The following GPC6 variants were observed in gnomAD, a reference collection of about 807,000 sequenced individuals.
GPC6 encodes the protein glypican-6.
A neutral mutation model predicts 55.2 loss-of-function variants in GPC6; 14 were observed. The observed-to-expected ratio is 0.25, with a 90% confidence interval of 0.17 to 0.40. The LOEUF is 0.40. Ranked by LOEUF, GPC6 falls within the 10% of genes least tolerant of loss-of-function variation. The pLI, the probability that GPC6 is intolerant of heterozygous loss-of-function variation, is 1.00. For missense variants in GPC6, 641 were observed against 708.5 expected (o/e 0.90, Z 1.08); for synonymous variants, 278 against 259.6 (o/e 1.07, Z -0.68).
intron 3 of GPC6, among the ~76,000 whole-genome samples, chr13:93,984,317 G>A (rs1291887709): frequency 6.6e-6 from 1 of 152,074 alleles, no homozygotes; most frequent in African/African-American, 2.4e-5. Flanking sequence ...GCATGAAGGA[G>A]GCTTTACGTA....
At chr13:93,521,804 G>A (rs2139400483) in intron 1 of GPC6, among the ~76,000 whole-genome samples, 1 of 152,114 alleles carries the variant, frequency 6.6e-6, no homozygotes, top group East Asian at 1.9e-4. Context: ...AGTTGAGGGT[G>A]TATTTTCAGG....
At chr13:94,204,735 T>G (rs915420933) in intron 4 of GPC6, among the ~76,000 whole-genome samples, 2 of 152,332 alleles carry the variant, frequency 1.3e-5, no homozygotes, top group South Asian at 2.1e-4. Flanking sequence ...AAGAAGGTTT[T>G]AAAATTCTGT....
intron 1 of GPC6, among the ~76,000 whole-genome samples, chr13:93,440,952 T>C (rs1877773568): frequency 6.6e-6 from 1 of 152,104 alleles, no homozygotes; most frequent in Non-Finnish European, 1.5e-5. Flanking sequence ...GTATTTGGTT[T>C]TTTGTCCTTG....
chr13:93,914,635 A>G (rs1476994396), intron 3 of GPC6, among the ~76,000 whole-genome samples: 1 of 152,236 alleles, frequency 6.6e-6, no homozygotes, highest in African/African-American at 2.4e-5. Context: ...ATGCCATTTT[A>G]TAACATCTGC....
At chr13:94,049,573 T>G (rs1883862824) in intron 4 of GPC6, among the ~76,000 whole-genome samples, 1 of 152,078 alleles carries the variant, frequency 6.6e-6, no homozygotes, top group Non-Finnish European at 1.5e-5. Context: ...GCCCTCACAC[T>G]TGCTGTTCCC....
intron 2 of GPC6, among the ~76,000 whole-genome samples, chr13:93,804,402 A>C (rs1479683690): frequency 1.3e-5 from 2 of 152,088 alleles, no homozygotes; most frequent in Non-Finnish European, 2.9e-5. Context: ...TATTTTATTG[A>C]TTTGCTTCAA....
At chr13:93,752,549 C>T (rs1409023373) in intron 2 of GPC6, among the ~76,000 whole-genome samples, 2 of 152,004 alleles carry the variant, frequency 1.3e-5, no homozygotes, top group African/African-American at 4.8e-5. Flanking sequence ...TTGAATAGCT[C>T]AGGAAAACCA....
At chr13:94,036,381 C>A (rs965358651) in intron 4 of GPC6, among the ~76,000 whole-genome samples, 14 of 151,926 alleles carry the variant, frequency 9.2e-5, no homozygotes, top group African/African-American at 3.4e-4. Context: ...TTTATTATAA[C>A]CTCTGAAGAA....
In GPC6 at chr13:94,251,851, C is replaced by A. The variant is rs141546773; in HGVS notation, c.878-34498C>A. Among the ~76,000 whole-genome samples the A allele has an allele frequency of 2.0e-5, 3 of 152,010 alleles. No homozygotes were observed. The East Asian group carries it at 5.8e-4, about 29-fold the overall frequency. On this transcript the variant is annotated intron_variant, in intron 4 of 8. Transcript: ENST00000377047. ...TTTATCATTGATTTGGTGTAACAGG[C>A]TCTTTTGGATGCTATAATTTCTCAT...
intron 2 of GPC6, among the ~76,000 whole-genome samples, chr13:93,829,914 A>T (rs977019526): frequency 6.6e-6 from 1 of 152,220 alleles, no homozygotes; most frequent in African/African-American, 2.4e-5. Context: ...GAGGAGGATT[A>T]CATGGTAGAC....
At chr13:93,858,936 A>C (rs1393442330) in intron 3 of GPC6, among the ~76,000 whole-genome samples, 1 of 151,662 alleles carries the variant, frequency 6.6e-6, no homozygotes, top group African/African-American at 2.4e-5. Flanking sequence ...ATCTAATACT[A>C]TTAATAGTAA....
In GPC6 at chr13:93,909,920, G is replaced by A. The variant is rs532558778; in HGVS notation, c.711+79375G>A. 4.0e-5 allele frequency among the ~76,000 whole-genome samples: 6 copies of A among 151,820 alleles called. No homozygotes were observed. The South Asian group carries it at 6.3e-4, about 16-fold the overall frequency. On this transcript the variant is annotated intron_variant, in intron 3 of 8. Transcript: ENST00000377047. ...TCTCAGGTTCCATCCAATCAACAACGTAGATTCCTCCACCTCCCCGCTCCT... is the reference window on the plus strand; with the variant it reads ...TCTCAGGTTCCATCCAATCAACAACATAGATTCCTCCACCTCCCCGCTCCT...
intron 3 of GPC6, among the ~76,000 whole-genome samples, chr13:93,923,079 A>C (rs1877658824): frequency 6.6e-6 from 1 of 152,186 alleles, no homozygotes; most frequent in African/African-American, 2.4e-5. Flanking sequence ...CATCATGCTA[A>C]AAGACATGAC....
At chr13:93,989,563 C>A (rs1356844034) in intron 3 of GPC6, among the ~76,000 whole-genome samples, 1 of 152,158 alleles carries the variant, frequency 6.6e-6, no homozygotes, top group East Asian at 1.9e-4. Flanking sequence ...AAAGTCTGGG[C>A]TCAGTGCCGA....
intron 3 of GPC6, among the ~76,000 whole-genome samples, chr13:93,953,010 A>C (rs1382639774): frequency 6.6e-6 from 1 of 151,414 alleles, no homozygotes; most frequent in Non-Finnish European, 1.5e-5. Flanking sequence ...AACTTTCCAT[A>C]TATTTTTCTT....
the GPC6 span, among the ~76,000 whole-genome samples, chr13:93,219,545 A>G: frequency 6.6e-6 from 1 of 152,236 alleles, no homozygotes; most frequent in Non-Finnish European, 1.5e-5. Context: ...TGACTTCCAT[A>G]TACCACTAGA....
At chr13:93,990,938 G>GAGGAAGGAAGGAAGGAAGGAAAGAAGGA (rs1881273273) in intron 3 of GPC6, among the ~76,000 whole-genome samples, 6 of 146,360 alleles carry the variant, frequency 4.1e-5, no homozygotes, top group Middle Eastern at 3.5e-3. Context: ...CGGGAGGGAG[G>GAGGAAGGAAGGAAGGAAGGAAAGAAGGA]AGGAAGGAAG....
intron 1 of GPC6, among the ~76,000 whole-genome samples, chr13:93,312,553 G>C (rs1289907630): frequency 3.9e-5 from 6 of 151,916 alleles, no homozygotes; most frequent in African/African-American, 9.7e-5. Flanking sequence ...ACATAGCCTT[G>C]TGATTGCTTT....
chr13:93,782,557 A>G (rs764714987), intron 2 of GPC6, among the ~76,000 whole-genome samples: 5 of 152,148 alleles, frequency 3.3e-5, no homozygotes, highest in Admixed American at 6.6e-5. Context: ...CCCAACATGT[A>G]TAAGAATTCC....
Sources: gnomAD v4.1 joint callset for allele counts (sites outside exome capture counted in the v4.1 genomes callset) on GRCh38, gnomAD v4.1.1 for gene constraint, MANE v1.5 for transcripts, NCBI Gene and HGNC (gene_info 2026-07-23, HGNC 2026-07-21) for gene names.